The following RORA variants were observed in gnomAD, a reference collection of about 807,000 sequenced individuals.
RORA encodes nuclear receptor ROR-alpha.
A neutral mutation model predicts 69.5 loss-of-function variants in RORA; 7 were observed. The ratio of observed to expected loss-of-function variants is 0.10; its 90% CI spans 0.06 to 0.19. The LOEUF (loss-of-function observed/expected upper bound fraction) is 0.19, where lower values mean the gene tolerates loss of function less well. Ranked by LOEUF, RORA falls within the 10% of genes least tolerant of loss-of-function variation. The pLI, the probability that RORA is intolerant of heterozygous loss-of-function variation, is 1.00. For synonymous variants in RORA, 261 were observed against 240.8 expected (o/e 1.08, Z -0.78); for missense variants, 457 against 663.0 (o/e 0.69, Z 3.41).
intron 1 of RORA, among the ~76,000 whole-genome samples, chr15:61,173,272 T>C (rs1008269975): frequency 6.6e-6 from 1 of 152,274 alleles, no homozygotes; most frequent in South Asian, 2.1e-4. Context: ...GTGGTACAAA[T>C]CTAAAATCCA....
At chr15:60,561,317 G>A (rs2067553652) in intron 2 of RORA, among the ~76,000 whole-genome samples, 2 of 151,822 alleles carry the variant, frequency 1.3e-5, no homozygotes, top group African/African-American at 2.4e-5. Context: ...TCCTGACCTC[G>A]TGATCCGCCC....
Position 61,064,832 on chromosome 15 carries a change from C to T in RORA, c.166+164221G>A, listed in dbSNP as rs567555796. ...ACTCTAGAATTTCTAGGCTATAAGC[C>T]AACTTGGGAGCAATAAACATTCCCC... is the stretch of plus-strand genomic sequence containing the variant. On this transcript the variant is annotated intron_variant, in intron 1 of 10. Coordinates refer to ENST00000335670, the MANE Select transcript of RORA (RefSeq NM_134261.3). Among the ~76,000 whole-genome samples, 3 of 152,258 alleles carry T rather than the reference C, an allele frequency of 2.0e-5. No homozygotes were observed. The East Asian group carries it at 5.8e-4, about 29-fold the overall frequency.
At chr15:61,044,809 A>C (rs1896946988) in intron 1 of RORA, among the ~76,000 whole-genome samples, 1 of 152,212 alleles carries the variant, frequency 6.6e-6, no homozygotes, top group South Asian at 2.1e-4. Flanking sequence ...TCCCAGACCT[A>C]CTGAATCATA....
intron 1 of RORA, among the ~76,000 whole-genome samples, chr15:60,950,067 C>A (rs1246565825): frequency 2.0e-5 from 3 of 151,238 alleles, no homozygotes; most frequent in Non-Finnish European, 4.4e-5. Context: ...AAAGGGAAGC[C>A]CATCAGACTA....
chr15:60,907,263 A>G (rs1015381774), intron 1 of RORA, among the ~76,000 whole-genome samples: 11 of 152,202 alleles, frequency 7.2e-5, no homozygotes, highest in Admixed American at 5.9e-4. Flanking sequence ...TGGAGGCAAG[A>G]TAAAGGCAAG....
intron 1 of RORA, among the ~76,000 whole-genome samples, chr15:60,820,724 C>T (rs1208352384): frequency 6.6e-6 from 1 of 152,186 alleles, no homozygotes; most frequent in African/African-American, 2.4e-5. Context: ...GTAAAAACGG[C>T]AGATCTGGAG....
intron 1 of RORA, among the ~76,000 whole-genome samples, chr15:60,912,794 CA>C (rs11451989): frequency 6.6e-6 from 1 of 151,420 alleles, no homozygotes; most frequent in East Asian, 2.0e-4. Flanking sequence ...CAAAACACAA[CA>C]AAAAAAATCA....
intron 1 of RORA, among the ~76,000 whole-genome samples, chr15:61,194,940 A>C (rs1388932940): frequency 6.6e-6 from 1 of 150,798 alleles, no homozygotes; most frequent in Non-Finnish European, 1.5e-5. Context: ...AAGTCAATGC[A>C]AGTAAAATGA....
chr15:60,932,926 C>A (rs1892416717), intron 1 of RORA, among the ~76,000 whole-genome samples: 1 of 152,182 alleles, frequency 6.6e-6, no homozygotes, highest in Non-Finnish European at 1.5e-5. Flanking sequence ...CCCCCTCAAT[C>A]CCTGAAGAGT....
intron 2 of RORA, among the ~76,000 whole-genome samples, chr15:60,655,834 C>G (rs1567143386): frequency 6.6e-6 from 1 of 152,160 alleles, no homozygotes; most frequent in African/African-American, 2.4e-5. Context: ...CGTACCTCAC[C>G]TTTTCTGAGA....
intron 3 of RORA, among the ~76,000 whole-genome samples, chr15:60,517,759 A>T (rs1184373740): frequency 6.6e-6 from 1 of 152,192 alleles, no homozygotes; most frequent in East Asian, 1.9e-4. Context: ...AAAATCAGGA[A>T]TGTATTTGTT....
chr15:61,084,671 T>C (rs2078596239), intron 1 of RORA, among the ~76,000 whole-genome samples: 1 of 152,200 alleles, frequency 6.6e-6, no homozygotes, highest in African/African-American at 2.4e-5. Flanking sequence ...AGGGATGCTA[T>C]GAGTTCTGAA....
At position 60,915,267 on chromosome 15, in the gene RORA, C is replaced by G. The variant is rs189603477; in HGVS notation, c.167-236581G>C. Among the ~76,000 whole-genome samples, 4 of 145,980 alleles carry G rather than the reference C, an allele frequency of 2.7e-5. No individual in the cohort carries two copies. The East Asian group carries it at 8.8e-4, about 32-fold the overall frequency. On this transcript the variant is annotated intron_variant, in intron 1 of 10. Transcript: ENST00000335670. ...ATGCTTTCTGAGCTGCATTTCAGAT[C>G]ATGAGCATTGGGACTTCTTTCCCCA...
At chr15:60,955,601 A>T (rs920640915) in intron 1 of RORA, among the ~76,000 whole-genome samples, 1 of 152,242 alleles carries the variant, frequency 6.6e-6, no homozygotes, top group Non-Finnish European at 1.5e-5. Context: ...ATTCAACACA[A>T]TAAGAACTCA....
intron 1 of RORA, among the ~76,000 whole-genome samples, chr15:61,216,526 A>AT (rs2080042117): frequency 6.6e-6 from 1 of 151,902 alleles, no homozygotes. Context: ...GGAGAAAGTG[A>AT]GTAAAGGGAA....
At chr15:60,759,856 G>A (rs938986155) in intron 1 of RORA, among the ~76,000 whole-genome samples, 4 of 152,092 alleles carry the variant, frequency 2.6e-5, no homozygotes, top group African/African-American at 9.7e-5. Flanking sequence ...GATAGGAGGG[G>A]GAAATATGAT....
At chr15:60,699,157 A>G (rs2070947216) in intron 1 of RORA, among the ~76,000 whole-genome samples, 1 of 152,086 alleles carries the variant, frequency 6.6e-6, no homozygotes, top group Non-Finnish European at 1.5e-5. Flanking sequence ...AAATAATTCT[A>G]CTATAAATAT....
At chr15:60,696,792 A>G (rs999449) in intron 1 of RORA, among the ~76,000 whole-genome samples, 1 of 152,050 alleles carries the variant, frequency 6.6e-6, no homozygotes. Context: ...AGTGTTCTGA[A>G]ATGACTAAAT....
At chr15:61,005,461 C>G (rs1207712513) in intron 1 of RORA, among the ~76,000 whole-genome samples, 3 of 152,168 alleles carry the variant, frequency 2.0e-5, no homozygotes, top group Non-Finnish European at 2.9e-5. Flanking sequence ...GCCTGGGCAA[C>G]AGAGCGAGAC....
Sources: gnomAD v4.1 joint callset for allele counts (sites outside exome capture counted in the v4.1 genomes callset) on GRCh38, gnomAD v4.1.1 for gene constraint, MANE v1.5 for transcripts, NCBI Gene and HGNC (gene_info 2026-07-23, HGNC 2026-07-21) for gene names.